The following BRCA2 variants were observed in gnomAD, a reference collection of about 807,000 sequenced individuals.
BRCA2 encodes BRCA2 DNA repair associated, also known as breast cancer type 2 susceptibility protein.
A neutral mutation model predicts 276.7 loss-of-function variants in BRCA2; 203 were observed. The ratio of observed to expected loss-of-function variants is 0.73; its 90% confidence interval spans 0.65 to 0.82. The LOEUF is 0.82. BRCA2 is among the 40% of genes least tolerant of loss of function. The pLI is 0.00. For missense variants in BRCA2, 3,920 were observed against 3,915.0 expected, an observed-to-expected ratio of 1.00 and a Z score of -0.03; for synonymous variants, 1,289 against 1,338.4, an observed-to-expected ratio of 0.96 and a Z score of 0.81.
At chr13:32,350,763 CAACAA>C (rs769719785) in intron 13 of BRCA2, among the ~76,000 whole-genome samples, 23 of 151,574 alleles carry the variant, frequency 1.5e-4, no homozygotes, top group Non-Finnish European at 2.5e-4. Context: ...AAAAAAAAAA[CAACAA>C]AATAAAAAAA....
At chr13:32,379,275 T>A (rs1245998292) in intron 21 of BRCA2, 42 bp from the exon 22 acceptor site, 5 of 1,606,280 alleles carry the variant, frequency 3.1e-6, no homozygotes, top group African/African-American at 1.3e-5. Context: ...GGAACTTTTT[T>A]GTTCTGATTG....
intron 11 of BRCA2, among the ~76,000 whole-genome samples, chr13:32,342,270 CA>C (rs58295304): frequency 0.25 from 32,829 of 133,318 alleles, 3,629 homozygotes; most frequent in South Asian, 0.35. Context: ...GAGACTGTCT[CA>C]AAAAAAAAAA....
At chr13:32,344,422 C>A in intron 11 of BRCA2, 136 bp from the exon 12 acceptor site, 1 of 597,852 alleles carries the variant, frequency 1.7e-6, no homozygotes, top group Non-Finnish European at 3.0e-6. Context: ...AACATTAGGT[C>A]ACTATTTGTT....
intron 20 of BRCA2, among the ~76,000 whole-genome samples, chr13:32,372,542 A>C (rs1450219351): frequency 6.6e-6 from 1 of 152,032 alleles, no homozygotes; most frequent in Non-Finnish European, 1.5e-5. Flanking sequence ...ATCTCATAAG[A>C]ACTCCCTCAC....
rs80358605 is a variant in BRCA2 at position 32,337,924 on chromosome 13, G to A, written c.3569G>A (p.Arg1190Gln). The A allele has an allele frequency of 3.3e-5, 53 of 1,613,952 alleles. No homozygotes were observed. The South Asian group carries it at 4.2e-4, about 13-fold the overall frequency. Residue 1190 changes from arginine (R) to glutamine (Q), a missense_variant, in exon 11 of 27, where the codon CGG (arginine) becomes CAG (glutamine). Around this residue, in one of 2 missense-constraint regions of BRCA2, gnomAD observed 3,263 missense variants for 3,156.9 expected, o/e 1.03. Coordinates refer to ENST00000380152, the MANE Select transcript of BRCA2 (RefSeq NM_000059.4). Reference sequence around the variant, plus strand: ...TTTGAAGGTACAGTTGAAATTAAACGGAAGTTTGCTGGCCTGTTGAAAAAT... The same window carrying A: ...TTTGAAGGTACAGTTGAAATTAAACAGAAGTTTGCTGGCCTGTTGAAAAAT... ...KQFEGTVEIKRKFAGLLKNDC... is the reference protein window; with the variant it reads ...KQFEGTVEIKQKFAGLLKNDC...
In BRCA2 at chr13:32,355,245, A is replaced by G. The variant is rs1216715022; in HGVS notation, c.7392A>G (p.Gln2464=). Residue 2464 remains glutamine (Q), a synonymous_variant, in exon 14 of 27, where the codon CAA becomes CAG. Transcript: ENST00000380152. ...IHQFNKNNSN[Q]AVAVTFTKCE... is the part of the protein sequence containing the mutation. ...AGTTTAACAAAAACAACTCCAATCAAGCAGTAGCTGTAACTTTCACAAAGT... is the reference window on the plus strand; with the variant it reads ...AGTTTAACAAAAACAACTCCAATCAGGCAGTAGCTGTAACTTTCACAAAGT... The G allele has an allele frequency of 6.2e-7, 1 of 1,613,128 alleles. No individual in the cohort carries two copies. Among genetic ancestry groups the G allele is most frequent in the Non-Finnish European group, 8.5e-7 (1 of 1,179,284 alleles).
In BRCA2 at chr13:32,355,255, G is replaced by A. The variant is rs730881553; in HGVS notation, c.7402G>A (p.Val2468Ile). The change falls in exon 14 of 27, where the codon GTA becomes ATA. Residue 2468 changes from valine to isoleucine, a missense_variant. Transcript: ENST00000380152. ...AAACAACTCCAATCAAGCAGTAGCT[G>A]TAACTTTCACAAAGTGTGAAGAAGA... ...NKNNSNQAVAVTFTKCEEEPL... is the reference protein window; with the variant it reads ...NKNNSNQAVAITFTKCEEEPL... 3 of 1,613,538 alleles carry A rather than the reference G, an allele frequency of 1.9e-6. No homozygotes were observed. The highest frequency in any genetic ancestry group is 1.3e-5 in the African/African-American group (1 of 74,924).
intron 13 of BRCA2, among the ~76,000 whole-genome samples, chr13:32,351,054 C>T (rs902146035): frequency 1.3e-5 from 2 of 152,190 alleles, no homozygotes; most frequent in East Asian, 3.9e-4. Flanking sequence ...GACCAATCAG[C>T]AGGACGTGGG....
intron 24 of BRCA2, chr13:32,384,983 TG>T: frequency 2.6e-6 from 1 of 379,638 alleles, no homozygotes; most frequent in Non-Finnish European, 4.9e-6. Flanking sequence ...TATTACCACA[TG>T]GGCAGACTGG....
chr13:32,336,613 T>C lies in BRCA2; in HGVS notation c.2258T>C (p.Phe753Ser), dbSNP rs587782883. The C allele has an allele frequency of 6.2e-7, 1 of 1,613,954 alleles. No individual in the cohort carries two copies. Among genetic ancestry groups the C allele is most frequent in the African/African-American group, 1.3e-5 (1 of 74,918 alleles). Residue 753 changes from phenylalanine (F) to serine (S), a missense_variant, in exon 11 of 27, where the codon TTT (phenylalanine) becomes TCT (serine). Transcript: ENST00000380152. ...AAAGTGGAATACAGTGATACTGACT[T>C]TCAATCCCAGAAAAGTCTTTTATAT... ...HSKVEYSDTD[F>S]QSQKSLLYDH...
chr13:32,379,917 C>G lies in BRCA2; in HGVS notation c.9117+4C>G, dbSNP rs397507421. The G allele has an allele frequency of 6.2e-7, 1 of 1,613,122 alleles. No individual in the cohort carries two copies. The highest frequency in any genetic ancestry group is 8.5e-7 in the Non-Finnish European group (1 of 1,179,378). On this transcript the variant is annotated splice_donor_region_variant and intron_variant, in intron 23 of 26. Coordinates refer to ENST00000380152, the MANE Select transcript of BRCA2 (RefSeq NM_000059.4). ...AACTCAGTATCAACAACTACCGGTA[C>G]AAACCTTTCATTGTAATTTTTCAGT...
chr13:32,400,041 C>T lies in BRCA2; in HGVS notation c.*1271C>T, dbSNP rs1485166547. The T allele has an allele frequency of 6.6e-6, 1 of 152,228 alleles. No individual in the cohort carries two copies. The highest frequency in any genetic ancestry group is 1.5e-5 in the Non-Finnish European group (1 of 68,074). 9.4% of individuals were successfully genotyped at this position (152,228 alleles called of 1,614,324 possible). On this transcript the variant is annotated 3_prime_UTR_variant, in exon 27 of 27. Transcript: ENST00000380152. ...TGTCAGGTGATCCATCTGCCTCAGC[C>T]TCCCAAAGTGCTGGGATTATAGGCG...
At position 32,358,986 on chromosome 13, in the gene BRCA2, T is replaced by C. The variant is rs1312410875; in HGVS notation, c.7805+1057T>C. 3.5e-5 allele frequency among the ~76,000 whole-genome samples: 5 copies of C among 143,646 alleles called. No homozygotes were observed. The East Asian group carries it at 6.3e-4, about 18-fold the overall frequency. The allele number at this position is 143,646 out of a possible 152,430, so 94.2% of individuals were successfully genotyped here. ...CCTATAATCCCAGCACTTTGGGAGG[T>C]TGAGGTGGGCAGATCACCTGAGGTC... On this transcript the variant is annotated intron_variant, in intron 16 of 26. Transcript: ENST00000380152.
At chr13:32,394,472 T>G (rs1325390816) in intron 24 of BRCA2, among the ~76,000 whole-genome samples, 1 of 152,214 alleles carries the variant, frequency 6.6e-6, no homozygotes, top group Non-Finnish European at 1.5e-5. Flanking sequence ...ATGACCTCAG[T>G]AAAAGAATGT....
At chr13:32,354,720 G>T (rs931544702) in intron 13 of BRCA2, 141 bp from the exon 14 acceptor site, 4 of 679,510 alleles carry the variant, frequency 5.9e-6, no homozygotes, top group African/African-American at 5.5e-5. Flanking sequence ...ATATTGTTTT[G>T]GAATGGCAAC....
intron 1 of BRCA2, 85 bp from the exon 2 acceptor site, chr13:32,316,337 T>A: frequency 1.2e-6 from 1 of 869,290 alleles, no homozygotes; most frequent in Non-Finnish European, 1.9e-6. Context: ...TTCAAACAAA[T>A]TTTCCAGCGC....
At chr13:32,342,114 A>G (rs1258645791) in intron 11 of BRCA2, among the ~76,000 whole-genome samples, 3 of 151,990 alleles carry the variant, frequency 2.0e-5, no homozygotes, top group Non-Finnish European at 4.4e-5. Flanking sequence ...TTTACTAAAA[A>G]TACAAAAAAT....
At chr13:32,386,009 C>A in intron 24 of BRCA2, 1 of 180,316 alleles carries the variant, frequency 5.5e-6, no homozygotes, top group Non-Finnish European at 1.2e-5. Flanking sequence ...CCTTAGGTTT[C>A]TGTACAAATT....
rs564477250 is a variant in BRCA2 at position 32,328,596 on chromosome 13, A to G, written c.632-847A>G. On this transcript the variant is annotated intron_variant, in intron 7 of 26. Coordinates refer to ENST00000380152, the MANE Select transcript of BRCA2 (RefSeq NM_000059.4). ...TTGTGAAACTTATTTTGTGAGTCGTATATGCTCTTTTTAAATGAAATGAAA... is the reference window on the plus strand; with the variant it reads ...TTGTGAAACTTATTTTGTGAGTCGTGTATGCTCTTTTTAAATGAAATGAAA... Among the ~76,000 whole-genome samples the G allele has an allele frequency of 4.6e-5, 7 of 152,292 alleles. No individual in the cohort carries two copies. In the South Asian group the frequency reaches 1.2e-3, roughly 27 times the overall value.
Sources: gnomAD v4.1 joint callset for allele counts (sites outside exome capture counted in the v4.1 genomes callset) on GRCh38, gnomAD v4.1.1 for gene constraint, gnomAD v4.1.1 regional missense constraint, MANE v1.5 for transcripts, NCBI Gene and HGNC (gene_info 2026-07-23, HGNC 2026-07-21) for gene names.